The following ACMSD variants were observed in gnomAD, a reference collection of about 807,000 sequenced individuals.
ACMSD encodes the protein 2-amino-3-carboxymuconate-6-semialdehyde decarboxylase.
In ACMSD, 37 loss-of-function variants were observed where a neutral mutation model predicts 45.9. That is an observed-to-expected ratio of 0.81 (90% CI 0.62 to 1.06). The LOEUF is 1.06. Among genes scored for constraint, ACMSD ranks in the 50% least tolerant of loss-of-function variants. The pLI, the probability that ACMSD is intolerant of heterozygous loss-of-function variation, is 0.00. For synonymous variants in ACMSD, 138 were observed against 148.8 expected (o/e 0.93, Z 0.53); for missense variants, 434 against 420.9 (o/e 1.03, Z -0.27).
intron 8 of ACMSD, among the ~76,000 whole-genome samples, chr2:134,886,992 AAT>A (rs899966288): frequency 1.3e-5 from 2 of 152,240 alleles, no homozygotes; most frequent in Admixed American, 6.5e-5. Context: ...TTCAATTTAT[AAT>A]AGTGTTTTAA....
chr2:134,855,443 G>T (rs1485606102), intron 2 of ACMSD, among the ~76,000 whole-genome samples: 2 of 152,186 alleles, frequency 1.3e-5, no homozygotes, highest in Non-Finnish European at 2.9e-5. Context: ...TTTGCATCAC[G>T]TAATGCAAAA....
intron 8 of ACMSD, among the ~76,000 whole-genome samples, chr2:134,878,384 C>T (rs193093788): frequency 9.5e-4 from 144 of 152,186 alleles, no homozygotes; most frequent in African/African-American, 3.4e-3. Flanking sequence ...TGGAGTGCAG[C>T]GGCACCATCT....
intron 3 of ACMSD, among the ~76,000 whole-genome samples, chr2:134,860,115 T>C (rs1220449864): frequency 1.3e-5 from 2 of 152,054 alleles, no homozygotes; most frequent in African/African-American, 4.8e-5. Context: ...ATACAAAAAT[T>C]AGCCAGGCAT....
chr2:134,899,205 A>G (rs1163461428), intron 9 of ACMSD, among the ~76,000 whole-genome samples: 1 of 152,154 alleles, frequency 6.6e-6, no homozygotes, highest in East Asian at 1.9e-4. Flanking sequence ...CTAGAATCCA[A>G]AAGTTACCTT....
intron 8 of ACMSD, among the ~76,000 whole-genome samples, chr2:134,889,186 T>G (rs1689631636): frequency 6.6e-6 from 1 of 152,142 alleles, no homozygotes; most frequent in Non-Finnish European, 1.5e-5. Flanking sequence ...AGGAAGAAGA[T>G]GAGAAGGTAC....
intron 3 of ACMSD, among the ~76,000 whole-genome samples, chr2:134,860,443 C>T (rs1331764654): frequency 6.6e-6 from 1 of 152,170 alleles, no homozygotes. Context: ...AACTGACCAC[C>T]ACTGACATTG....
intron 8 of ACMSD, among the ~76,000 whole-genome samples, chr2:134,895,751 C>T (rs1302953366): frequency 6.6e-6 from 1 of 152,152 alleles, no homozygotes. Flanking sequence ...ATTTCAGCTA[C>T]TTGGGAGGCT....
chr2:134,861,000 A>T (rs1482098083), intron 3 of ACMSD, among the ~76,000 whole-genome samples: 1 of 152,096 alleles, frequency 6.6e-6, no homozygotes, highest in Non-Finnish European at 1.5e-5. Flanking sequence ...ACTACACTCC[A>T]GCCTAGTGGT....
In ACMSD at chr2:134,897,602, C is replaced by A. The variant is rs1019375468; in HGVS notation, c.850-739C>A. ...TATTTTATTTTACTTTGATAAATTG[C>A]CATTATTGACATAATATCTTTCTCA... is the stretch of plus-strand genomic sequence containing the variant. On this transcript the variant is annotated intron_variant, in intron 8 of 9. Coordinates refer to ENST00000356140, the MANE Select transcript of ACMSD (RefSeq NM_138326.3). 2.0e-5 allele frequency among the ~76,000 whole-genome samples: 3 copies of A among 152,030 alleles called. No homozygotes were observed. In the East Asian group the frequency reaches 5.8e-4, roughly 29 times the overall value.
At chr2:134,871,882 T>C (rs1041165409) in intron 7 of ACMSD, among the ~76,000 whole-genome samples, 2 of 152,176 alleles carry the variant, frequency 1.3e-5, no homozygotes, top group African/African-American at 2.4e-5. Flanking sequence ...GACTGATAGG[T>C]TGTCTCAATA....
Position 134,885,368 on chromosome 2 carries a change from A to AT in ACMSD, c.849+12729dup, listed in dbSNP as rs1228448816. Reference sequence around the variant, plus strand: ...ATATATAATATATATTTACATATATATTATATATAATATATATGTAAATAT... The same window carrying AT: ...ATATATAATATATATTTACATATATATTTATATATAATATATATGTAAATAT... On this transcript the variant is annotated intron_variant, in intron 8 of 9. Transcript: ENST00000356140. Among the ~76,000 whole-genome samples the AT allele has an allele frequency of 4.4e-3, 462 of 105,356 alleles. 1 individual carries two copies. Among genetic ancestry groups the AT allele is most frequent in the African/African-American group, 0.014 (371 of 26,636 alleles). The allele number at this position is 105,356 out of a possible 152,430, so 69.1% of individuals were successfully genotyped here.
chr2:134,868,457 T>C (rs987670165), intron 6 of ACMSD, among the ~76,000 whole-genome samples: 74 of 149,184 alleles, frequency 5.0e-4, no homozygotes, highest in Non-Finnish European at 8.8e-4. Context: ...TTTTCTTTTT[T>C]TTTTTTTTTT....
At chr2:134,860,447 G>C (rs1235447334) in intron 3 of ACMSD, among the ~76,000 whole-genome samples, 1 of 152,130 alleles carries the variant, frequency 6.6e-6, no homozygotes, top group Non-Finnish European at 1.5e-5. Context: ...GACCACCACT[G>C]ACATTGTCAG....
intron 4 of ACMSD, chr2:134,862,845 G>C (rs960415038): frequency 2.5e-6 from 1 of 402,556 alleles, no homozygotes. Context: ...GTGAAGAAGG[G>C]AGCATTAGGA....
chr2:134,860,856 C>CAAAAAAAA (rs60233157), intron 3 of ACMSD, among the ~76,000 whole-genome samples: 1,352 of 72,366 alleles, frequency 0.019, 76 homozygotes, highest in East Asian at 0.025. Context: ...CCTGTCTCCA[C>CAAAAAAAA]AAAAAAAAAA....
chr2:134,841,529 C>T (rs941602558), intron 1 of ACMSD, among the ~76,000 whole-genome samples: 5 of 151,992 alleles, frequency 3.3e-5, no homozygotes, highest in African/African-American at 4.8e-5. Flanking sequence ...ACATATCTGA[C>T]GTATAAAGAC....
intron 8 of ACMSD, among the ~76,000 whole-genome samples, chr2:134,878,573 C>T (rs1011788653): frequency 1.3e-5 from 2 of 152,146 alleles, no homozygotes; most frequent in South Asian, 2.1e-4. Flanking sequence ...GTGATCCACC[C>T]ACCTCAGCCT....
intron 2 of ACMSD, among the ~76,000 whole-genome samples, chr2:134,851,994 T>A (rs1687366910): frequency 6.6e-6 from 1 of 152,216 alleles, no homozygotes; most frequent in Non-Finnish European, 1.5e-5. Flanking sequence ...CCTTTGGAAA[T>A]AACAGAGTAT....
chr2:134,846,164 G>A (rs1360571022), intron 2 of ACMSD, among the ~76,000 whole-genome samples: 1 of 152,202 alleles, frequency 6.6e-6, no homozygotes, highest in Non-Finnish European at 1.5e-5. Flanking sequence ...TCTAGGAAAA[G>A]AAGAAAGGGA....
Sources: allele counts gnomAD v4.1 joint callset (sites outside exome capture counted in the v4.1 genomes callset), GRCh38; gene constraint gnomAD v4.1.1; transcripts MANE v1.5; gene names NCBI Gene and HGNC (gene_info 2026-07-23, HGNC 2026-07-21).